Variants in NUDCD3 observed in about 807,000 individuals in gnomAD.
NUDCD3 encodes the protein nudC domain-containing protein 3.
NUDCD3 carries 13 observed loss-of-function variants against 39.7 expected under a neutral mutation model. The observed-to-expected ratio is 0.33, with a 90% CI of 0.21 to 0.52. NUDCD3 has a LOEUF of 0.52. NUDCD3 is among the 20% of genes least tolerant of loss of function. NUDCD3 has a pLI of 0.96. For missense variants in NUDCD3, 453 were observed against 458.1 expected, an observed-to-expected ratio of 0.99 and a Z score of 0.10; for synonymous variants, 175 against 172.4, an observed-to-expected ratio of 1.02 and a Z score of -0.12.
intron 2 of NUDCD3, 106 bp from the exon 3 acceptor site, chr7:44,427,809 C>G (rs1799267781): frequency 8.5e-7 from 1 of 1,171,714 alleles, no homozygotes; most frequent in Admixed American, 2.6e-5. Flanking sequence ...GTGACCAACT[C>G]AAGTTTCATC....
intron 2 of NUDCD3, among the ~76,000 whole-genome samples, chr7:44,445,434 C>T: frequency 6.6e-6 from 1 of 152,218 alleles, no homozygotes; most frequent in East Asian, 1.9e-4. Context: ...CCTAGGAACA[C>T]AGGAATATCA....
At chr7:44,402,532 A>G in intron 4 of NUDCD3, 3 of 409,214 alleles carry the variant, frequency 7.3e-6, no homozygotes, top group South Asian at 5.2e-5. Context: ...TTGTAATCCC[A>G]AAAGATTCCA....
chr7:44,487,028 G>A (rs749796223), intron 1 of NUDCD3, among the ~76,000 whole-genome samples: 1 of 152,308 alleles, frequency 6.6e-6, no homozygotes, highest in East Asian at 1.9e-4. Context: ...ACAGGATGTA[G>A]CTAGCTTTCC....
intron 2 of NUDCD3, among the ~76,000 whole-genome samples, chr7:44,459,767 T>C (rs1010690764): frequency 1.3e-5 from 2 of 152,224 alleles, no homozygotes; most frequent in South Asian, 2.1e-4. Context: ...GAGATTTGTA[T>C]ATAATTCTTG....
intron 2 of NUDCD3, among the ~76,000 whole-genome samples, chr7:44,455,779 C>T (rs1799880952): frequency 6.6e-6 from 1 of 152,026 alleles, no homozygotes; most frequent in Non-Finnish European, 1.5e-5. Context: ...AACAATACAG[C>T]ACTTTGGGAG....
chr7:44,490,611 G>A lies in NUDCD3; in HGVS notation c.-11C>T, dbSNP rs960119827. 1.0e-5 allele frequency: 16 copies of A among 1,596,102 alleles called. No individual in the cohort carries two copies. Among genetic ancestry groups the A allele is most frequent in the African/African-American group, 1.3e-5 (1 of 74,322 alleles). On this transcript the variant is annotated 5_prime_UTR_variant, in exon 1 of 6. Transcript: ENST00000355451. ...CGCCCCTGTCTCCATGTCGCCTCCC[G>A]CCCTAGGTACGCTTCACACACACAG...
At chr7:44,429,481 C>T (rs867561439) in intron 2 of NUDCD3, among the ~76,000 whole-genome samples, 1 of 152,168 alleles carries the variant, frequency 6.6e-6, no homozygotes, top group African/African-American at 2.4e-5. Context: ...AGATCTTCCC[C>T]TAAGACCTTC....
chr7:44,386,428 C>G (rs1011377223), intron 5 of NUDCD3, among the ~76,000 whole-genome samples: 1 of 152,232 alleles, frequency 6.6e-6, no homozygotes, highest in African/African-American at 2.4e-5. Context: ...ACCAGGATCT[C>G]TGTCCAAATT....
At chr7:44,402,718 C>T (rs558539355) in intron 4 of NUDCD3, 10 of 456,522 alleles carry the variant, frequency 2.2e-5, no homozygotes, top group Middle Eastern at 3.3e-4. Flanking sequence ...GTTCACCCAA[C>T]GGAAGGCAGG....
Position 44,490,396 on chromosome 7 carries a change from C to T in NUDCD3, c.192+13G>A. ...GGCGGCGGCTCCCCAGACCGCAGGC[C>T]CGCCCGCCTCACCTGCAGCACCAAG... On this transcript the variant is annotated intron_variant, in intron 1 of 5. Transcript: ENST00000355451. The T allele has an allele frequency of 6.5e-7, 1 of 1,534,944 alleles. No homozygotes were observed. Among genetic ancestry groups the T allele is most frequent in the East Asian group, 2.5e-5 (1 of 40,626 alleles).
intron 2 of NUDCD3, among the ~76,000 whole-genome samples, chr7:44,435,334 C>A (rs1004932263): frequency 6.6e-6 from 1 of 152,216 alleles, no homozygotes; most frequent in East Asian, 1.9e-4. Context: ...GTCTTCCTTA[C>A]AAGTGGGGAA....
chr7:44,485,257 G>A lies in NUDCD3; in HGVS notation c.220C>T (p.Arg74Cys), dbSNP rs371421304. 7.7e-5 allele frequency: 124 copies of A among 1,612,764 alleles called. No homozygotes were observed. Among genetic ancestry groups the A allele is most frequent in the Admixed American group, 1.2e-4 (7 of 59,850 alleles). Residue 74 changes from arginine (R) to cysteine (C), a missense_variant, in exon 2 of 6, where the codon CGT becomes TGT. Transcript: ENST00000355451. The part of the protein sequence containing the change: ...QVFKTFDHMA[R>C]QDDEKRRQEL... ...TGCCTTCTCTTCTCATCATCCTGAC[G>A]GGCCATGTGGTCAAAGGTTTTGAAT... is the stretch of plus-strand genomic sequence containing the variant.
intron 3 of NUDCD3, among the ~76,000 whole-genome samples, chr7:44,413,771 G>C (rs1293315290): frequency 6.6e-6 from 1 of 152,150 alleles, no homozygotes; most frequent in Non-Finnish European, 1.5e-5. Flanking sequence ...TAGAAATACA[G>C]GCCGGGTGTG....
Position 44,462,987 on chromosome 7 carries a change from GTGTA to G in NUDCD3, c.509+21977_509+21980del, listed in dbSNP as rs1389356840. Reference sequence around the variant, plus strand: ...TGTGTGTGTGTGTGTGTGTGTGTGTGTGTATACACAAAGATACAAAAGATTTATA... The same window carrying G: ...TGTGTGTGTGTGTGTGTGTGTGTGTGTACACAAAGATACAAAAGATTTATA... On this transcript the variant is annotated intron_variant, in intron 2 of 5. Coordinates refer to ENST00000355451, the MANE Select transcript of NUDCD3 (RefSeq NM_015332.4). Among the ~76,000 whole-genome samples the G allele has an allele frequency of 7.0e-3, 815 of 117,096 alleles. 7 individuals carry two copies. Among genetic ancestry groups the G allele is most frequent in the African/African-American group, 0.018 (504 of 27,976 alleles). 76.8% of individuals were successfully genotyped at this position (117,096 alleles called of 152,430 possible). A position where few individuals can be genotyped will look rare whatever the true frequency, so the allele number is the denominator to read the frequency against.
intron 2 of NUDCD3, among the ~76,000 whole-genome samples, chr7:44,439,980 T>C (rs1362461728): frequency 3.9e-5 from 6 of 152,240 alleles, no homozygotes; most frequent in Non-Finnish European, 5.9e-5. Flanking sequence ...CAATTCCTTG[T>C]AGTGGTTTTA....
intron 4 of NUDCD3, among the ~76,000 whole-genome samples, chr7:44,398,569 A>C (rs1190509400): frequency 6.6e-6 from 1 of 152,148 alleles, no homozygotes; most frequent in Non-Finnish European, 1.5e-5. Flanking sequence ...TCCTCACAGA[A>C]ACTTCCACCT....
At chr7:44,390,577 C>T (rs1408028988) in intron 5 of NUDCD3, among the ~76,000 whole-genome samples, 1 of 152,202 alleles carries the variant, frequency 6.6e-6, no homozygotes, top group African/African-American at 2.4e-5. Flanking sequence ...CATGGTAAGA[C>T]TGCCTTCTTA....
In NUDCD3 at chr7:44,469,385, A is replaced by AT. The variant is rs1800205129; in HGVS notation, c.509+15582dup. ...AATGCCAACTAGATCTTTAAACTAA[A>AT]TTTGTTATAATTTTGTCTTTTGACA... On this transcript the variant is annotated intron_variant, in intron 2 of 5. Transcript: ENST00000355451. Among the ~76,000 whole-genome samples, 24 of 152,314 alleles carry AT rather than the reference A, an allele frequency of 1.6e-4. No homozygotes were observed. In the South Asian group the frequency reaches 5.0e-3, roughly 32 times the overall value.
rs1800178393 is a variant in NUDCD3 at position 44,468,413 on chromosome 7, T to C, written c.509+16555A>G. On this transcript the variant is annotated intron_variant, in intron 2 of 5. Coordinates refer to ENST00000355451, the MANE Select transcript of NUDCD3 (RefSeq NM_015332.4). Reference sequence around the variant, plus strand: ...CCAGGGAGACGAAAGAATTTGTTTGTTCAATGCCAGACAGCTTATCAGTGT... The same window carrying C: ...CCAGGGAGACGAAAGAATTTGTTTGCTCAATGCCAGACAGCTTATCAGTGT... 3 of 852,922 alleles carry C rather than the reference T, an allele frequency of 3.5e-6. No individual in the cohort carries two copies. The South Asian group carries it at 5.3e-5, about 15-fold the overall frequency. The allele number at this position is 852,922 out of a possible 1,614,324, so 52.8% of individuals were successfully genotyped here. A position where few individuals can be genotyped will look rare whatever the true frequency, so the allele number is the denominator to read the frequency against.
Sources: gnomAD v4.1 joint callset for allele counts (sites outside exome capture counted in the v4.1 genomes callset) on GRCh38, gnomAD v4.1.1 for gene constraint, MANE v1.5 for transcripts, NCBI Gene and HGNC (gene_info 2026-07-23, HGNC 2026-07-21) for gene names.